The following PCDHA6 variants were observed in gnomAD, a reference collection of about 807,000 sequenced individuals.
PCDHA6 encodes protocadherin alpha 6.
A neutral mutation model predicts 60.3 loss-of-function variants in PCDHA6; 55 were observed. The ratio of observed to expected loss-of-function variants is 0.91; its 90% CI spans 0.73 to 1.14. The LOEUF (loss-of-function observed/expected upper bound fraction) is 1.14, where lower values mean the gene tolerates loss of function less well. PCDHA6 is among the 50% of genes most tolerant of loss of function. PCDHA6 has a pLI of 0.00. For synonymous variants in PCDHA6, 652 were observed against 557.9 expected (o/e 1.17, Z -2.38); for missense variants, 1,327 against 1,256.5 (o/e 1.06, Z -0.85).
intron 1 of PCDHA6, among the ~76,000 whole-genome samples, chr5:140,938,718 G>A (rs1186763511): frequency 5.3e-5 from 8 of 151,986 alleles, no homozygotes; most frequent in Non-Finnish European, 1.0e-4. Flanking sequence ...ATAGAAACGC[G>A]TTTCTACAGA....
intron 1 of PCDHA6, among the ~76,000 whole-genome samples, chr5:140,964,075 AT>A (rs1277799626): frequency 9.2e-5 from 14 of 152,324 alleles, no homozygotes; most frequent in African/African-American, 3.1e-4. Flanking sequence ...TAGTGTTAAT[AT>A]TTGTAGAAAG....
intron 1 of PCDHA6, among the ~76,000 whole-genome samples, chr5:140,954,933 CTT>C (rs2095111807): frequency 6.6e-6 from 1 of 152,044 alleles, no homozygotes; most frequent in East Asian, 1.9e-4. Flanking sequence ...TTTAATTAAT[CTT>C]GAGTTAATTT....
chr5:140,875,363 A>G, intron 1 of PCDHA6: 1 of 1,449,052 alleles, frequency 6.9e-7, no homozygotes, highest in Non-Finnish European at 9.1e-7. Flanking sequence ...GATGCTGGAA[A>G]AAATTTACTA....
Position 140,929,423 on chromosome 5 carries a change from C to T in PCDHA6, c.2395-49526C>T, listed in dbSNP as rs1435902323. 4.7e-6 allele frequency: 7 copies of T among 1,499,372 alleles called. No homozygotes were observed. In the Admixed American group the frequency reaches 7.1e-5, roughly 15 times the overall value. The allele number at this position is 1,499,372 out of a possible 1,614,324, so 92.9% of individuals were successfully genotyped here. A position where few individuals can be genotyped will look rare whatever the true frequency, so the allele number is the denominator to read the frequency against. The stretch of plus-strand genomic sequence containing the variant: ...AGACAAGCCTTTCACAACATTTCAT[C>T]AATTGAACTAAACACTCCTTCTTAG... On this transcript the variant is annotated intron_variant, in intron 1 of 3. Transcript: ENST00000529310.
intron 1 of PCDHA6, among the ~76,000 whole-genome samples, chr5:140,895,085 C>T (rs144485224): frequency 2.0e-5 from 3 of 152,298 alleles, no homozygotes; most frequent in Non-Finnish European, 4.4e-5. Flanking sequence ...AGTTCCTCCT[C>T]AGTATAGGGG....
chr5:140,841,892 C>A (rs2150324917), intron 1 of PCDHA6: 1 of 1,613,788 alleles, frequency 6.2e-7, no homozygotes, highest in Non-Finnish European at 8.5e-7. Context: ...TGAGAATAAA[C>A]TGGTTGAGCT....
intron 1 of PCDHA6, among the ~76,000 whole-genome samples, chr5:140,890,921 T>G (rs1165166836): frequency 6.6e-6 from 1 of 152,222 alleles, no homozygotes; most frequent in Non-Finnish European, 1.5e-5. Flanking sequence ...ATTTGAGAGT[T>G]TCCTTTAGTC....
chr5:140,868,571 A>G (rs1326549440), intron 1 of PCDHA6: 1 of 152,948 alleles, frequency 6.5e-6, no homozygotes, highest in Non-Finnish European at 1.5e-5. Context: ...GAGGAACAAC[A>G]CTTTCAGGAA....
intron 3 of PCDHA6, among the ~76,000 whole-genome samples, chr5:140,995,181 T>G (rs1443897354): frequency 6.6e-6 from 1 of 152,186 alleles, no homozygotes; most frequent in Non-Finnish European, 1.5e-5. Context: ...GGTGCACCTA[T>G]GATAAAGTTT....
intron 1 of PCDHA6, among the ~76,000 whole-genome samples, chr5:140,905,079 T>C (rs2071581588): frequency 6.6e-6 from 1 of 152,168 alleles, no homozygotes; most frequent in Admixed American, 6.5e-5. Context: ...AGTTGCACTT[T>C]CTTTTGGGTT....
intron 1 of PCDHA6, among the ~76,000 whole-genome samples, chr5:140,939,130 A>T (rs1183803741): frequency 6.6e-6 from 1 of 152,204 alleles, no homozygotes; most frequent in Admixed American, 6.5e-5. Context: ...TGGAAGCTGG[A>T]AAGTTGATGA....
intron 1 of PCDHA6, chr5:140,853,685 C>T (rs1554146805): frequency 1.0e-6 from 1 of 988,006 alleles, no homozygotes; most frequent in Non-Finnish European, 1.2e-6. Context: ...TCAACCTATC[C>T]TTAGACCTGC....
At chr5:140,967,150 C>G (rs1400431511) in intron 1 of PCDHA6, 1 of 1,610,886 alleles carries the variant, frequency 6.2e-7, no homozygotes, top group African/African-American at 1.3e-5. Context: ...CGCACAACCC[C>G]GTGGCGGTGA....
intron 3 of PCDHA6, among the ~76,000 whole-genome samples, chr5:140,999,763 T>C (rs1475737646): frequency 2.0e-5 from 3 of 152,200 alleles, no homozygotes; most frequent in African/African-American, 7.2e-5. Flanking sequence ...ACATGATGTC[T>C]TTATACTCTT....
chr5:140,835,847 G>T (rs140727991), intron 1 of PCDHA6: 20 of 1,612,344 alleles, frequency 1.2e-5, no homozygotes, highest in Admixed American at 1.7e-5. Flanking sequence ...AGAAGAACGC[G>T]CTGGTGTCCT....
At chr5:140,871,308 G>GC (rs2052955236) in intron 1 of PCDHA6, 1 of 1,613,880 alleles carries the variant, frequency 6.2e-7, no homozygotes. Flanking sequence ...CGCCGGGGAA[G>GC]CCCACGCTGG....
intron 1 of PCDHA6, among the ~76,000 whole-genome samples, chr5:140,897,593 G>A (rs1185165472): frequency 6.6e-6 from 1 of 152,014 alleles, no homozygotes; most frequent in Non-Finnish European, 1.5e-5. Context: ...TGTCATTGTT[G>A]GACATTTGGG....
chr5:140,841,492 G>A (rs2150316650), intron 1 of PCDHA6: 4 of 1,613,200 alleles, frequency 2.5e-6, no homozygotes, highest in Middle Eastern at 1.8e-4. Context: ...TGGAGCTGGC[G>A]GAGCTGGTGC....
intron 1 of PCDHA6, among the ~76,000 whole-genome samples, chr5:140,873,132 A>G (rs2054118651): frequency 6.6e-6 from 1 of 152,212 alleles, no homozygotes; most frequent in Non-Finnish European, 1.5e-5. Flanking sequence ...CAAAGAGTCT[A>G]TGCTGAAGCC....
Sources: allele counts gnomAD v4.1 joint callset (sites outside exome capture counted in the v4.1 genomes callset), GRCh38; gene constraint gnomAD v4.1.1; transcripts MANE v1.5; gene names NCBI Gene and HGNC (gene_info 2026-07-23, HGNC 2026-07-21).